Variants in CERT1 observed in about 807,000 individuals in gnomAD.
The protein encoded by CERT1 is ceramide transfer protein.
Under a neutral mutation model 87.9 loss-of-function variants are expected in CERT1, and 31 were observed. The ratio of observed to expected loss-of-function variants is 0.35; its 90% CI spans 0.27 to 0.48. CERT1 has a LOEUF of 0.48. CERT1 is among the 20% of genes least tolerant of loss of function. The pLI is 0.99. For missense variants in CERT1, 487 were observed against 758.0 expected (o/e 0.64, Z 4.20); for synonymous variants, 289 against 250.9 (o/e 1.15, Z -1.44).
chr5:75,511,568 T>C lies in CERT1; in HGVS notation c.-361A>G. ...AGAAGGGAAGAGAAAATCCGGCCGC[T>C]GAGTCCCGCGTCCACTCACACCTCC... On this transcript the variant is annotated 5_prime_UTR_variant, in exon 1 of 17. Coordinates refer to ENST00000643780, the MANE Select transcript of CERT1 (RefSeq NM_001379029.1). 1.4e-6 allele frequency: 2 copies of C among 1,458,794 alleles called. No individual in the cohort carries two copies. Among genetic ancestry groups the C allele is most frequent in the Non-Finnish European group, 1.8e-6 (2 of 1,107,368 alleles). The allele number at this position is 1,458,794 out of a possible 1,614,324, so 90.4% of individuals were successfully genotyped here. A position where few individuals can be genotyped will look rare whatever the true frequency, so the allele number is the denominator to read the frequency against.
intron 3 of CERT1, among the ~76,000 whole-genome samples, chr5:75,430,237 T>C (rs1763810883): frequency 6.6e-6 from 1 of 152,196 alleles, no homozygotes; most frequent in African/African-American, 2.4e-5. Context: ...TAAAACATTC[T>C]ATCTATAAAA....
At chr5:75,415,460 C>T (rs928265582) in intron 7 of CERT1, among the ~76,000 whole-genome samples, 2 of 152,236 alleles carry the variant, frequency 1.3e-5, no homozygotes, top group African/African-American at 2.4e-5. Context: ...AGAAAGAGAA[C>T]TGGTAAGATT....
chr5:75,413,390 A>C (rs1763009513), intron 7 of CERT1, among the ~76,000 whole-genome samples: 1 of 152,210 alleles, frequency 6.6e-6, no homozygotes, highest in Admixed American at 6.5e-5. Flanking sequence ...GGTTCATTAG[A>C]CCCAAAGATT....
At chr5:75,393,913 C>A (rs992643686) in intron 11 of CERT1, among the ~76,000 whole-genome samples, 1 of 151,704 alleles carries the variant, frequency 6.6e-6, no homozygotes, top group African/African-American at 2.4e-5. Flanking sequence ...TGCAGTGAGC[C>A]GAGATCGCGC....
chr5:75,389,762 A>G (rs1000596636), intron 11 of CERT1, 75 bp from the exon 12 acceptor site: 2 of 1,139,266 alleles, frequency 1.8e-6, no homozygotes, highest in Admixed American at 1.8e-5. Flanking sequence ...GTCTTCAGTT[A>G]ACTTCAGTTC....
chr5:75,422,220 A>G (rs1763412430), intron 5 of CERT1, among the ~76,000 whole-genome samples: 1 of 152,162 alleles, frequency 6.6e-6, no homozygotes, highest in Middle Eastern at 3.4e-3. Context: ...CCAGACATCT[A>G]TTTATTTTTG....
At chr5:75,385,304 C>T (rs181859789) in intron 13 of CERT1, among the ~76,000 whole-genome samples, 1 of 152,054 alleles carries the variant, frequency 6.6e-6, no homozygotes, top group Non-Finnish European at 1.5e-5. Flanking sequence ...AAAACCCCGT[C>T]TCTACTAAAA....
chr5:75,429,261 G>A (rs1763765076), intron 3 of CERT1, among the ~76,000 whole-genome samples: 1 of 151,512 alleles, frequency 6.6e-6, no homozygotes, highest in Non-Finnish European at 1.5e-5. Flanking sequence ...GAGTGCAGTG[G>A]CACAATCTCG....
At position 75,511,280 on chromosome 5, in the gene CERT1, G is replaced by A. The variant is rs1204565970; in HGVS notation, c.-73C>T. 1.3e-6 allele frequency: 2 copies of A among 1,581,092 alleles called. No individual in the cohort carries two copies. Among genetic ancestry groups the A allele is most frequent in the African/African-American group, 1.3e-5 (1 of 74,246 alleles). On this transcript the variant is annotated 5_prime_UTR_variant, in exon 1 of 17. Coordinates refer to ENST00000643780, the MANE Select transcript of CERT1 (RefSeq NM_001379029.1). ...CGCCGGAGGAGGCGCCCAGTCCTCGGGGTGAAGGGTCGGGGGATGGCGAAG... is the reference window on the plus strand; with the variant it reads ...CGCCGGAGGAGGCGCCCAGTCCTCGAGGTGAAGGGTCGGGGGATGGCGAAG...
At chr5:75,403,806 TTAG>T (rs1218499106) in intron 8 of CERT1, among the ~76,000 whole-genome samples, 1 of 152,226 alleles carries the variant, frequency 6.6e-6, no homozygotes, top group Non-Finnish European at 1.5e-5. Flanking sequence ...AAATTATTTC[TTAG>T]TAGGTCTTCA....
chr5:75,469,511 A>G (rs1314313077), intron 2 of CERT1, among the ~76,000 whole-genome samples: 1 of 152,114 alleles, frequency 6.6e-6, no homozygotes, highest in African/African-American at 2.4e-5. Flanking sequence ...CAGTGTAGTA[A>G]AAAGAGTTTA....
chr5:75,457,507 T>C (rs948489610), intron 3 of CERT1, among the ~76,000 whole-genome samples: 2 of 152,142 alleles, frequency 1.3e-5, no homozygotes, highest in Non-Finnish European at 2.9e-5. Context: ...TTTTTTTCCA[T>C]ATTTAGACTT....
At chr5:75,384,767 A>T in intron 13 of CERT1, 55 bp from the exon 14 acceptor site, 1 of 1,161,538 alleles carries the variant, frequency 8.6e-7, no homozygotes, top group South Asian at 1.3e-5. Context: ...AATGTGATCA[A>T]TTCACTTATG....
intron 8 of CERT1, among the ~76,000 whole-genome samples, chr5:75,407,798 A>G (rs1283696117): frequency 6.6e-6 from 1 of 151,868 alleles, no homozygotes; most frequent in Non-Finnish European, 1.5e-5. Context: ...AAAGCCCATC[A>G]AGAGTTTTGC....
rs531759421 is a variant in CERT1 at position 75,434,333 on chromosome 5, C to T, written c.349-7855G>A. On this transcript the variant is annotated intron_variant, in intron 3 of 16. Coordinates refer to ENST00000643780, the MANE Select transcript of CERT1 (RefSeq NM_001379029.1). Reference sequence around the variant, plus strand: ...ATTTGCATATGGTGAAACAACCTTACATTCCAGGAATAAAGCCTACTTGAT... The same window carrying T: ...ATTTGCATATGGTGAAACAACCTTATATTCCAGGAATAAAGCCTACTTGAT... Among the ~76,000 whole-genome samples the T allele has an allele frequency of 7.2e-5, 11 of 152,100 alleles. No homozygotes were observed. In the East Asian group the frequency reaches 1.9e-3, roughly 27 times the overall value.
intron 7 of CERT1, among the ~76,000 whole-genome samples, chr5:75,415,846 A>G (rs1580739072): frequency 6.6e-6 from 1 of 152,130 alleles, no homozygotes; most frequent in Non-Finnish European, 1.5e-5. Flanking sequence ...TTTGAAGATA[A>G]TAATAGTTTG....
intron 2 of CERT1, among the ~76,000 whole-genome samples, chr5:75,480,266 G>GC (rs1283397331): frequency 6.6e-6 from 1 of 152,152 alleles, no homozygotes; most frequent in Non-Finnish European, 1.5e-5. Flanking sequence ...TATGTGAAAT[G>GC]ATTTCAAAAT....
intron 8 of CERT1, chr5:75,410,743 C>T (rs1001860166): frequency 2.2e-4 from 46 of 213,584 alleles, no homozygotes; most frequent in Non-Finnish European, 3.6e-4. Context: ...AAATGATCAT[C>T]TTTACAGGGG....
Position 75,450,401 on chromosome 5 carries a change from A to G in CERT1, c.348+8664T>C, listed in dbSNP as rs550091952. The stretch of plus-strand genomic sequence containing the variant: ...CAACCTGACTCTAGTATAACAGCAC[A>G]TGGCAGAGAGTAGGGCCCTGAAAGA... On this transcript the variant is annotated intron_variant, in intron 3 of 16. Transcript: ENST00000643780. 4.3e-4 allele frequency among the ~76,000 whole-genome samples: 65 copies of G among 152,314 alleles called. 2 individuals carry two copies. The South Asian group carries it at 9.1e-3, about 21-fold the overall frequency.
Sources: gnomAD v4.1 joint callset for allele counts (sites outside exome capture counted in the v4.1 genomes callset) on GRCh38, gnomAD v4.1.1 for gene constraint, MANE v1.5 for transcripts, NCBI Gene and HGNC (gene_info 2026-07-23, HGNC 2026-07-21) for gene names.